MMP24: variants seen among roughly 807,000 people sequenced by gnomAD.
MMP24 encodes matrix metallopeptidase 24, also known as matrix metalloproteinase-24.
In MMP24, 25 loss-of-function variants were observed where a neutral mutation model predicts 62.8. That is an observed-to-expected ratio of 0.40 (90% confidence interval 0.29 to 0.56). The LOEUF (loss-of-function observed/expected upper bound fraction) is 0.56. MMP24 is among the 20% of genes least tolerant of loss of function. The probability of loss-of-function intolerance (pLI) is 0.50; values close to 1 mark genes in which losing one functional copy is unlikely to be tolerated. For missense variants in MMP24, 634 were observed against 853.6 expected (o/e 0.74, Z 3.21); for synonymous variants, 319 against 350.5 (o/e 0.91, Z 1.00).
rs2060705834 is a variant in MMP24, at chr20:35,276,350, T to TGA, written c.*1742_*1743insAG. The TGA allele has an allele frequency of 2.5e-6, 1 of 398,900 alleles. No homozygotes were observed. The highest frequency in any genetic ancestry group is 4.4e-6 in the Non-Finnish European group (1 of 226,060). 24.7% of individuals were successfully genotyped at this position (398,900 alleles called of 1,614,324 possible). A position where few individuals can be genotyped will look rare whatever the true frequency, so the allele number is the denominator to read the frequency against. On this transcript the variant is annotated 3_prime_UTR_variant, in exon 9 of 9. Transcript: ENST00000246186. ...ATTAGTGATTCATAGGTTTGTACAG[T>TGA]GTTTTATACTTTGCAAAGCACTTTA...
At chr20:35,259,330 A>C (rs1461133203) in intron 4 of MMP24, among the ~76,000 whole-genome samples, 2 of 152,328 alleles carry the variant, frequency 1.3e-5, no homozygotes, top group African/African-American at 4.8e-5. Flanking sequence ...TCCCTTGGTA[A>C]AATACGGTGC....
At chr20:35,246,757 C>T in intron 1 of MMP24, 83 bp from the exon 2 acceptor site, 1 of 1,512,012 alleles carries the variant, frequency 6.6e-7, no homozygotes, top group Admixed American at 1.7e-5. Flanking sequence ...CAAATGATCC[C>T]TCGTGTTCAA....
intron 1 of MMP24, among the ~76,000 whole-genome samples, chr20:35,246,167 C>T (rs995024355): frequency 1.1e-4 from 17 of 151,750 alleles, no homozygotes; most frequent in African/African-American, 4.1e-4. Flanking sequence ...CGGAATCAGC[C>T]GTGCTGGCCG....
chr20:35,231,879 C>G (rs2060439442), intron 1 of MMP24, among the ~76,000 whole-genome samples: 1 of 152,066 alleles, frequency 6.6e-6, no homozygotes, highest in Non-Finnish European at 1.5e-5. Flanking sequence ...TGGTGAAACC[C>G]CATCTCTACT....
intron 4 of MMP24, among the ~76,000 whole-genome samples, chr20:35,260,474 C>A (rs2060596757): frequency 6.6e-6 from 1 of 152,236 alleles, no homozygotes; most frequent in African/African-American, 2.4e-5. Flanking sequence ...TGGGGAAGAG[C>A]CTGCTCAGGA....
intron 1 of MMP24, among the ~76,000 whole-genome samples, chr20:35,245,584 G>A (rs150413450): frequency 6.6e-6 from 1 of 151,850 alleles, no homozygotes; most frequent in Admixed American, 6.6e-5. Context: ...GAGTAGCTGG[G>A]ATTACAGGTG....
intron 1 of MMP24, among the ~76,000 whole-genome samples, chr20:35,237,811 A>C (rs762131110): frequency 6.6e-6 from 1 of 152,204 alleles, no homozygotes. Context: ...TCAGCTCCCA[A>C]GTGTATTGAG....
chr20:35,270,819 C>T (rs1259440202), intron 7 of MMP24, among the ~76,000 whole-genome samples: 1 of 152,216 alleles, frequency 6.6e-6, no homozygotes, highest in Non-Finnish European at 1.5e-5. Context: ...GCTGGCAGAT[C>T]ACCTGAGGTC....
chr20:35,271,319 T>C lies in MMP24; in HGVS notation c.1334-250T>C, dbSNP rs141419337. Among the ~76,000 whole-genome samples the C allele has an allele frequency of 9.9e-3, 1,505 of 152,174 alleles. 15 individuals carry two copies. Among genetic ancestry groups the C allele is most frequent in the African/African-American group, 0.034 (1,426 of 41,530 alleles). On this transcript the variant is annotated intron_variant, in intron 7 of 8. Coordinates refer to ENST00000246186, the MANE Select transcript of MMP24 (RefSeq NM_006690.4). This position sits in a 1 kb window ranked among gnomAD's most constrained non-coding sequence, Gnocchi z 4.0. ...GAGTGGTAGTGCATATGCAAAGTCA[T>C]GTAAGTGGCTGAGATCACCAGAGAG...
At chr20:35,239,738 G>C (rs1226841251) in intron 1 of MMP24, among the ~76,000 whole-genome samples, 1 of 152,128 alleles carries the variant, frequency 6.6e-6, no homozygotes, top group Non-Finnish European at 1.5e-5. Context: ...GAGGTGGGAG[G>C]ATCACTTGAG....
rs570530191 is a variant in MMP24 at position 35,269,481 on chromosome 20, A to G, written c.1195-279A>G. Among the ~76,000 whole-genome samples, 1 of 152,260 alleles carries G rather than the reference A, an allele frequency of 6.6e-6. No homozygotes were observed. Among genetic ancestry groups the G allele is most frequent in the African/African-American group, 2.4e-5 (1 of 41,552 alleles). On this transcript the variant is annotated intron_variant, in intron 6 of 8. Coordinates refer to ENST00000246186, the MANE Select transcript of MMP24 (RefSeq NM_006690.4). The surrounding 1 kb of genome is among the most constrained non-coding windows in gnomAD (Gnocchi z 4.6). ...CCCCATGTGGCCACTCCAGGCCCCAACATCATCCTTTCCGGCTCCCTCACA... is the reference window on the plus strand; with the variant it reads ...CCCCATGTGGCCACTCCAGGCCCCAGCATCATCCTTTCCGGCTCCCTCACA...
chr20:35,232,089 G>T (rs920033302), intron 1 of MMP24, among the ~76,000 whole-genome samples: 4 of 152,204 alleles, frequency 2.6e-5, no homozygotes, highest in Non-Finnish European at 4.4e-5. Flanking sequence ...TAGGTTTTCT[G>T]TTCTTGGGCT....
chr20:35,232,470 G>T (rs1295867498), intron 1 of MMP24, among the ~76,000 whole-genome samples: 1 of 152,194 alleles, frequency 6.6e-6, no homozygotes, highest in Non-Finnish European at 1.5e-5. Context: ...AAGAATAAAT[G>T]AATGCATGCT....
intron 4 of MMP24, chr20:35,262,993 G>C (rs1040224948): frequency 6.6e-6 from 1 of 152,126 alleles, no homozygotes; most frequent in African/African-American, 2.4e-5. Flanking sequence ...TCTCAAGGCA[G>C]AAGAATTTTT....
chr20:35,244,190 G>T (rs2060501932), intron 1 of MMP24, among the ~76,000 whole-genome samples: 1 of 152,152 alleles, frequency 6.6e-6, no homozygotes, highest in South Asian at 2.1e-4. Flanking sequence ...AAAAGCTATA[G>T]CTAGGAGGGG....
At chr20:35,253,868 G>GTTTT (rs11474068) in intron 3 of MMP24, among the ~76,000 whole-genome samples, 5 of 130,088 alleles carry the variant, frequency 3.8e-5, no homozygotes, top group Non-Finnish European at 3.3e-5. Flanking sequence ...TTTCCTTTGG[G>GTTTT]TTTTTTTTTT....
chr20:35,262,362 G>T (rs1275405915), intron 4 of MMP24, among the ~76,000 whole-genome samples: 2 of 151,956 alleles, frequency 1.3e-5, no homozygotes, highest in African/African-American at 4.9e-5. Flanking sequence ...ATTGTGGGGA[G>T]AGGGTCAGCA....
chr20:35,274,298 G>C lies in MMP24; in HGVS notation c.1627G>C (p.Asp543His), dbSNP rs1294062920. The change falls in exon 9 of 9, where the codon GAC (aspartate) becomes CAC (histidine). Residue 543 changes from aspartate (D) to histidine (H), a missense_variant. Coordinates refer to ENST00000246186, the MANE Select transcript of MMP24 (RefSeq NM_006690.4). This position sits in a 1 kb window ranked among gnomAD's most constrained non-coding sequence, Gnocchi z 5.1. ...TTACACCTATTTCTACAAGGGCCGG[G>C]ACTACTGGAAGTTTGACAACCAGAA... ...GYYTYFYKGR[D>H]YWKFDNQKLS... 1.9e-6 allele frequency: 3 copies of C among 1,612,630 alleles called. No homozygotes were observed. The East Asian group carries it at 6.7e-5, about 36-fold the overall frequency.
intron 8 of MMP24, chr20:35,272,162 G>T: frequency 2.3e-6 from 1 of 440,568 alleles, no homozygotes; most frequent in Non-Finnish European, 4.0e-6. Flanking sequence ...AGCAATGATG[G>T]GCATGCATGT....
Sources: allele counts gnomAD v4.1 joint callset (sites outside exome capture counted in the v4.1 genomes callset), GRCh38; gene constraint gnomAD v4.1.1; non-coding constraint Gnocchi (gnomAD v3.1); transcripts MANE v1.5; gene names NCBI Gene and HGNC (gene_info 2026-07-23, HGNC 2026-07-21).